The following GPI variants were observed in gnomAD, a reference collection of about 807,000 sequenced individuals.
GPI encodes the protein D-hexose-6-phosphate anomerase.
Under a neutral mutation model 75.8 loss-of-function variants are expected in GPI, and 56 were observed. The observed-to-expected ratio is 0.74, with a 90% CI of 0.60 to 0.92. The LOEUF is 0.92. GPI is among the 40% of genes least tolerant of loss of function. The pLI is 0.00. For synonymous variants in GPI, 288 were observed against 285.4 expected (o/e 1.01, Z -0.09); for missense variants, 638 against 741.0 (o/e 0.86, Z 1.61).
intron 9 of GPI, among the ~76,000 whole-genome samples, chr19:34,384,474 C>A (rs1260237497): frequency 6.6e-6 from 1 of 152,124 alleles, no homozygotes; most frequent in Admixed American, 6.5e-5. Context: ...CAGGTGACAT[C>A]TATGAAACCA....
rs1028371144 is a variant in GPI at position 34,390,829 on chromosome 19, C to T, written c.805-2419C>T. Among the ~76,000 whole-genome samples the T allele has an allele frequency of 1.0e-4, 15 of 144,618 alleles. No homozygotes were observed. The South Asian group carries it at 1.8e-3, about 17-fold the overall frequency. The allele number at this position is 144,618 out of a possible 152,430, so 94.9% of individuals were successfully genotyped here. A position where few individuals can be genotyped will look rare whatever the true frequency, so the allele number is the denominator to read the frequency against. ...GCACAGGTATGAGAATCTGGGTCTT[C>T]CAGTGTCTGAGGAGGTAGCACCTGG... On this transcript the variant is annotated intron_variant, in intron 9 of 17. Transcript: ENST00000356487.
rs532635672 is a variant in GPI, at chr19:34,372,976, GT to G, written c.402+4276del. 1.9e-4 allele frequency among the ~76,000 whole-genome samples: 29 copies of G among 152,178 alleles called. 1 individual carries two copies. The highest frequency in any genetic ancestry group is 1.8e-3 in the Admixed American group (27 of 15,296). On this transcript the variant is annotated intron_variant, in intron 4 of 17. Coordinates refer to ENST00000356487, the MANE Select transcript of GPI (RefSeq NM_000175.5). ...TTTAGTAGAGATGGAGTTTCACCAT[GT>G]TGGCTAGGCTGGTCTCGAACTCCTG... is the stretch of plus-strand genomic sequence containing the variant.
chr19:34,366,196 G>T (rs770436374), intron 1 of GPI, 149 bp from the exon 2 acceptor site: 10 of 716,892 alleles, frequency 1.4e-5, no homozygotes, highest in Admixed American at 5.9e-5. Flanking sequence ...GCCAGCAGGT[G>T]ACAGACACCA....
At chr19:34,377,929 G>A in intron 6 of GPI, 48 bp downstream of exon 6, 3 of 1,601,378 alleles carry the variant, frequency 1.9e-6, no homozygotes, top group Non-Finnish European at 2.6e-6. Context: ...GTGTGTTGGG[G>A]TGGGGAGGGA....
chr19:34,365,761 T>G, intron 1 of GPI: 1 of 483,980 alleles, frequency 2.1e-6, no homozygotes, highest in Non-Finnish European at 4.1e-6. Flanking sequence ...TCCCTTTCCA[T>G]CCGCTCCTGG....
At chr19:34,377,608 G>A in intron 5 of GPI, 22 bp downstream of exon 5, 1 of 1,601,584 alleles carries the variant, frequency 6.2e-7, no homozygotes, top group South Asian at 1.1e-5. Context: ...ACTGCCTTGG[G>A]GTAGGGTGGG....
intron 9 of GPI, 157 bp downstream of exon 9, chr19:34,381,676 A>G: frequency 1.4e-6 from 1 of 720,442 alleles, no homozygotes; most frequent in Non-Finnish European, 2.6e-6. Context: ...TTGGAGGGCA[A>G]GAGCAACCCA....
intron 4 of GPI, among the ~76,000 whole-genome samples, chr19:34,374,054 G>A (rs897694433): frequency 5.3e-5 from 8 of 151,744 alleles, no homozygotes; most frequent in African/African-American, 1.7e-4. Flanking sequence ...TGCAACCTCC[G>A]GTCCCCGGCT....
chr19:34,366,318 GTCAGCAGCA>G lies in GPI; in HGVS notation c.123-24_123-16del, dbSNP rs1568324344. On this transcript the variant is annotated intron_variant, in intron 1 of 17. Coordinates refer to ENST00000356487, the MANE Select transcript of GPI (RefSeq NM_000175.5). Reference sequence around the variant, plus strand: ...TCCCCGCTAGGGAGACCAGGGTGTGGTCAGCAGCATCTCCATCTTTCTGCAGCTTGACCC... The same window carrying G: ...TCCCCGCTAGGGAGACCAGGGTGTGGTCTCCATCTTTCTGCAGCTTGACCC... The G allele has an allele frequency of 6.9e-7, 1 of 1,446,528 alleles. No homozygotes were observed. The highest frequency in any genetic ancestry group is 9.7e-7 in the Non-Finnish European group (1 of 1,026,868). 89.6% of individuals were successfully genotyped at this position (1,446,528 alleles called of 1,614,324 possible). A position where few individuals can be genotyped will look rare whatever the true frequency, so the allele number is the denominator to read the frequency against.
At chr19:34,395,873 G>GCTTC (rs1220316935) in intron 12 of GPI, among the ~76,000 whole-genome samples, 1 of 152,008 alleles carries the variant, frequency 6.6e-6, no homozygotes, top group East Asian at 1.9e-4. Context: ...AGTGTGTGAA[G>GCTTC]GATCAAGACT....
intron 9 of GPI, among the ~76,000 whole-genome samples, chr19:34,384,358 T>C (rs542767296): frequency 6.6e-6 from 1 of 152,002 alleles, no homozygotes; most frequent in African/African-American, 2.4e-5. Flanking sequence ...GAGACACAGG[T>C]ATGTATTTTT....
intron 14 of GPI, 141 bp from the exon 15 acceptor site, chr19:34,399,066 G>A: frequency 1.5e-6 from 1 of 664,696 alleles, no homozygotes; most frequent in Non-Finnish European, 2.5e-6. Flanking sequence ...GTCATCGGAT[G>A]TGTCCCCCTC....
intron 4 of GPI, among the ~76,000 whole-genome samples, chr19:34,376,767 G>A (rs1322324834): frequency 6.6e-6 from 1 of 151,970 alleles, no homozygotes; most frequent in Non-Finnish European, 1.5e-5. Flanking sequence ...TAAGTAAATA[G>A]CGAGGCGCGG....
chr19:34,394,052 G>A lies in GPI; in HGVS notation c.1048G>A (p.Ala350Thr), dbSNP rs750631078. 1.6e-5 allele frequency: 26 copies of A among 1,611,894 alleles called. No homozygotes were observed. Among genetic ancestry groups the A allele is most frequent in the Non-Finnish European group, 1.9e-5 (22 of 1,179,738 alleles). Residue 350 changes from alanine to threonine, a missense_variant, in exon 12 of 18, where the codon GCG becomes ACG. Transcript: ENST00000356487. ...TGACCAGTACCTGCACCGCTTTGCTGCGTACTTCCAGCAGGTACCAGCTGC... is the reference window on the plus strand; with the variant it reads ...TGACCAGTACCTGCACCGCTTTGCTACGTACTTCCAGCAGGTACCAGCTGC... ...PYDQYLHRFAAYFQQGDMESN... is the reference protein window; with the variant it reads ...PYDQYLHRFATYFQQGDMESN...
intron 3 of GPI, 36 bp from the exon 4 acceptor site, chr19:34,368,547 G>GA (rs1568326521): frequency 6.2e-6 from 10 of 1,613,300 alleles, no homozygotes. Flanking sequence ...CTGGGGTTGG[G>GA]GGGGGCAGTC....
chr19:34,371,811 C>G (rs181863496), intron 4 of GPI, among the ~76,000 whole-genome samples: 1 of 150,272 alleles, frequency 6.7e-6, no homozygotes, highest in South Asian at 2.1e-4. Flanking sequence ...GCCAAGATCA[C>G]GCCACTGCAC....
At position 34,377,764 on chromosome 19, in the gene GPI, G is replaced by A. The variant is rs745878233; in HGVS notation, c.516G>A (p.Lys172=). The change falls in exon 6 of 18, where the codon AAG becomes AAA. Residue 172 remains lysine (K), a synonymous_variant. Transcript: ENST00000356487. ...CCCTCATGGTGACTGAAGCCCTTAA[G>A]CCATACTCTTCAGGAGGTCCCCGCG... ...LGPLMVTEAL[K]PYSSGGPRVW... is the part of the protein sequence containing the mutation. 2 of 1,614,020 alleles carry A rather than the reference G, an allele frequency of 1.2e-6. No homozygotes were observed. Among genetic ancestry groups the A allele is most frequent in the East Asian group, 4.5e-5 (2 of 44,878 alleles).
rs1364990477 is a variant in GPI at position 34,386,741 on chromosome 19, G to A, written c.804+5222G>A. Among the ~76,000 whole-genome samples the A allele has an allele frequency of 3.3e-5, 5 of 152,300 alleles. No individual in the cohort carries two copies. The East Asian group carries it at 7.7e-4, about 23-fold the overall frequency. ...GGTAGATGTATCTCTCTCAAGCAAG[G>A]ACTTTGTAGCTAGAGAGACATACAG... is the stretch of plus-strand genomic sequence containing the variant. On this transcript the variant is annotated intron_variant, in intron 9 of 17. Transcript: ENST00000356487.
intron 1 of GPI, 38 bp downstream of exon 1, chr19:34,365,426 C>A: frequency 2.6e-6 from 4 of 1,520,602 alleles, no homozygotes; most frequent in Non-Finnish European, 3.5e-6. Flanking sequence ...CCACGCGCGG[C>A]GCCCGGAACC....
Sources: allele counts gnomAD v4.1 joint callset (sites outside exome capture counted in the v4.1 genomes callset), GRCh38; gene constraint gnomAD v4.1.1; transcripts MANE v1.5; gene names NCBI Gene and HGNC (gene_info 2026-07-23, HGNC 2026-07-21).